LARP1B: variants seen among roughly 807,000 people sequenced by gnomAD.
LARP1B encodes la-related protein 1B.
LARP1B carries 76 observed loss-of-function variants against 114.2 expected under a neutral mutation model. The ratio of observed to expected loss-of-function variants is 0.67; its 90% CI spans 0.55 to 0.81. The LOEUF is 0.81. Ranked by LOEUF, LARP1B falls within the 30% of genes least tolerant of loss-of-function variation. The probability of loss-of-function intolerance (pLI) is 0.00; values close to 1 mark genes in which losing one functional copy is unlikely to be tolerated. For synonymous variants in LARP1B, 345 were observed against 348.0 expected, an observed-to-expected ratio of 0.99 and a Z score of 0.10; for missense variants, 1,014 against 1,075.8, an observed-to-expected ratio of 0.94 and a Z score of 0.80.
At chr4:128,092,594 T>C (rs1776289410) in intron 7 of LARP1B, among the ~76,000 whole-genome samples, 2 of 152,208 alleles carry the variant, frequency 1.3e-5, no homozygotes, top group Admixed American at 1.3e-4. Flanking sequence ...GGGCTATTTT[T>C]GAAAGGGCAT....
chr4:128,124,665 G>T (rs769944003), intron 11 of LARP1B, among the ~76,000 whole-genome samples: 2 of 152,138 alleles, frequency 1.3e-5, no homozygotes, highest in Non-Finnish European at 2.9e-5. Context: ...GATTGTACAG[G>T]GACAAGAGTG....
intron 11 of LARP1B, among the ~76,000 whole-genome samples, chr4:128,145,946 C>A (rs1483302392): frequency 6.6e-6 from 1 of 152,128 alleles, no homozygotes; most frequent in Admixed American, 6.5e-5. Context: ...AATATTAAGT[C>A]TTGGTAAAGA....
Position 128,110,570 on chromosome 4 carries a change from G to C in LARP1B, c.988+3257G>C, listed in dbSNP as rs1202765104. On this transcript the variant is annotated intron_variant, in intron 9 of 19. Transcript: ENST00000326639. ...CGGGCGCCTGTAGTCCCAGCTACTT[G>C]GGAGGCTGAGGCAGGAGAATGGCGT... Among the ~76,000 whole-genome samples the C allele has an allele frequency of 1.4e-4, 21 of 145,548 alleles. No homozygotes were observed. In the East Asian group the frequency reaches 1.8e-3, roughly 13 times the overall value.
chr4:128,202,129 G>T (rs1262995219), intron 17 of LARP1B, among the ~76,000 whole-genome samples: 1 of 152,024 alleles, frequency 6.6e-6, no homozygotes, highest in African/African-American at 2.4e-5. Flanking sequence ...CTCTATTACT[G>T]ATATCTCTAA....
intron 5 of LARP1B, among the ~76,000 whole-genome samples, chr4:128,089,606 G>A (rs1775070450): frequency 6.6e-6 from 1 of 151,936 alleles, no homozygotes; most frequent in East Asian, 1.9e-4. Context: ...AAAGTGCTGG[G>A]ATTACAGGTG....
chr4:128,070,799 TAAAA>T (rs144956269), intron 1 of LARP1B, among the ~76,000 whole-genome samples: 12 of 146,906 alleles, frequency 8.2e-5, no homozygotes, highest in African/African-American at 2.5e-4. Flanking sequence ...CTATCTCAAT[TAAAA>T]AAAAAAATAG....
intron 11 of LARP1B, chr4:128,156,102 C>T (rs1735497485): frequency 3.1e-6 from 5 of 1,607,658 alleles, no homozygotes; most frequent in African/African-American, 2.7e-5. Flanking sequence ...TCACCTACCC[C>T]AGCACTCCTG....
chr4:128,129,743 T>C (rs186609052), intron 11 of LARP1B, among the ~76,000 whole-genome samples: 9 of 152,188 alleles, frequency 5.9e-5, no homozygotes, highest in Admixed American at 5.9e-4. Context: ...AGTCAACTGA[T>C]GCTTGACAAA....
At chr4:128,103,802 TC>T (rs1205423068) in intron 8 of LARP1B, among the ~76,000 whole-genome samples, 3 of 152,028 alleles carry the variant, frequency 2.0e-5, no homozygotes, top group Non-Finnish European at 4.4e-5. Context: ...CCTCAGGTGA[TC>T]CGCCCGTCTC....
chr4:128,073,748 A>G (rs1436519065), intron 1 of LARP1B, among the ~76,000 whole-genome samples: 3 of 148,636 alleles, frequency 2.0e-5, no homozygotes, highest in Non-Finnish European at 4.5e-5. Flanking sequence ...GTGCTACCAC[A>G]CTGGGCTAAT....
At chr4:128,176,841 A>T (rs989931931) in intron 12 of LARP1B, 31 bp from the exon 13 acceptor site, 2 of 1,607,198 alleles carry the variant, frequency 1.2e-6, no homozygotes, top group Non-Finnish European at 1.7e-6. Flanking sequence ...CAGACACAGC[A>T]CAAAAAGGGA....
intron 12 of LARP1B, among the ~76,000 whole-genome samples, chr4:128,162,660 GCTTAGCT>G (rs942998184): frequency 2.0e-5 from 3 of 152,056 alleles, no homozygotes; most frequent in Non-Finnish European, 4.4e-5. Context: ...TGTTTTAAGG[GCTTAGCT>G]CTGTGTGAGA....
chr4:128,115,586 G>A (rs1276999151), intron 10 of LARP1B, among the ~76,000 whole-genome samples: 1 of 152,150 alleles, frequency 6.6e-6, no homozygotes, highest in African/African-American at 2.4e-5. Flanking sequence ...AAAGAATTTT[G>A]TCTTGGTTTT....
At chr4:128,113,412 G>A (rs1448435306) in intron 9 of LARP1B, among the ~76,000 whole-genome samples, 1 of 145,740 alleles carries the variant, frequency 6.9e-6, no homozygotes, top group Non-Finnish European at 1.5e-5. Context: ...GCAGATCTTA[G>A]CTCACTGCAA....
At chr4:128,078,968 C>G (rs372454396) in intron 4 of LARP1B, among the ~76,000 whole-genome samples, 2 of 152,188 alleles carry the variant, frequency 1.3e-5, no homozygotes, top group East Asian at 3.9e-4. Context: ...CATGGGAAAC[C>G]ATTGAACCAA....
At chr4:128,198,215 C>T (rs2150870588) in intron 15 of LARP1B, among the ~76,000 whole-genome samples, 1 of 152,120 alleles carries the variant, frequency 6.6e-6, no homozygotes, top group South Asian at 2.1e-4. Flanking sequence ...TGCAAAAATG[C>T]TTTGTGTTTT....
intron 11 of LARP1B, among the ~76,000 whole-genome samples, chr4:128,154,242 C>T (rs1188535446): frequency 6.6e-6 from 1 of 152,140 alleles, no homozygotes; most frequent in Admixed American, 6.5e-5. Flanking sequence ...TCTGTGTTAG[C>T]TTCATTTTCA....
At chr4:128,105,290 G>A (rs1478172176) in intron 8 of LARP1B, among the ~76,000 whole-genome samples, 1 of 152,080 alleles carries the variant, frequency 6.6e-6, no homozygotes, top group African/African-American at 2.4e-5. Flanking sequence ...GATTAGATTA[G>A]TCTGTTCTTG....
chr4:128,191,649 A>G (rs1578543216), intron 15 of LARP1B, among the ~76,000 whole-genome samples: 1 of 152,304 alleles, frequency 6.6e-6, no homozygotes, highest in African/African-American at 2.4e-5. Context: ...GTCCTGCTGA[A>G]CAGCCACTCT....
Sources: gnomAD v4.1 joint callset for allele counts (sites outside exome capture counted in the v4.1 genomes callset) on GRCh38, gnomAD v4.1.1 for gene constraint, MANE v1.5 for transcripts, NCBI Gene and HGNC (gene_info 2026-07-23, HGNC 2026-07-21) for gene names.